The following DROSHA variants were observed in gnomAD, a reference collection of about 807,000 sequenced individuals.
DROSHA encodes ribonuclease 3.
A neutral mutation model predicts 181.9 loss-of-function variants in DROSHA; 56 were observed. That is an observed-to-expected ratio of 0.31 (90% confidence interval 0.25 to 0.38). The LOEUF (loss-of-function observed/expected upper bound fraction) is 0.38, where lower values mean the gene tolerates loss of function less well. DROSHA is among the 10% of genes least tolerant of loss of function. DROSHA has a pLI of 1.00. For missense variants in DROSHA, 1,218 were observed against 1,743.5 expected, an observed-to-expected ratio of 0.70 and a Z score of 5.37; for synonymous variants, 524 against 591.2, an observed-to-expected ratio of 0.89 and a Z score of 1.65.
At chr5:31,446,309 T>C (rs1302907845) in intron 23 of DROSHA, among the ~76,000 whole-genome samples, 10 of 151,398 alleles carry the variant, frequency 6.6e-5, no homozygotes, top group Non-Finnish European at 1.3e-4. Context: ...TAGCCGGGTG[T>C]GGTGGCGGGC....
intron 30 of DROSHA, among the ~76,000 whole-genome samples, chr5:31,413,053 G>T (rs2149989917): frequency 6.6e-6 from 1 of 152,262 alleles, no homozygotes; most frequent in East Asian, 1.9e-4. Context: ...ACGCACACAT[G>T]AGCACACACA....
chr5:31,485,217 G>C (rs1751582677), intron 14 of DROSHA, among the ~76,000 whole-genome samples: 1 of 152,044 alleles, frequency 6.6e-6, no homozygotes, highest in South Asian at 2.1e-4. Flanking sequence ...AAAAAGTAAA[G>C]TCTCACTTAT....
chr5:31,425,264 AC>A (rs1157794261), intron 27 of DROSHA, among the ~76,000 whole-genome samples: 1 of 152,344 alleles, frequency 6.6e-6, no homozygotes, highest in East Asian at 1.9e-4. Context: ...CTTGTAACAC[AC>A]AGGGTAATAA....
chr5:31,495,984 A>G (rs2150045062), intron 11 of DROSHA, among the ~76,000 whole-genome samples: 1 of 152,244 alleles, frequency 6.6e-6, no homozygotes, highest in East Asian at 1.9e-4. Context: ...CAAGGTGCCA[A>G]GTTGGGGCTG....
chr5:31,484,086 C>A (rs1751394166), intron 15 of DROSHA, among the ~76,000 whole-genome samples: 1 of 152,050 alleles, frequency 6.6e-6, no homozygotes, highest in Non-Finnish European at 1.5e-5. Context: ...CGGATACTTC[C>A]AACCGCTGGG....
chr5:31,521,020 T>C (rs1739829818), intron 6 of DROSHA, 103 bp downstream of exon 6: 9 of 1,141,108 alleles, frequency 7.9e-6, no homozygotes, highest in Non-Finnish European at 1.2e-5. Flanking sequence ...TTGGACAGAC[T>C]CTGAGGCCAT....
Position 31,401,089 on chromosome 5 carries a change from A to G in DROSHA, c.*343T>C, listed in dbSNP as rs1739950688. The G allele has an allele frequency of 7.5e-6, 2 of 266,632 alleles. No individual in the cohort carries two copies. Among genetic ancestry groups the G allele is most frequent in the Non-Finnish European group, 7.4e-6 (1 of 135,210 alleles). 16.5% of individuals were successfully genotyped at this position (266,632 alleles called of 1,614,324 possible). On this transcript the variant is annotated 3_prime_UTR_variant, in exon 36 of 36. Coordinates refer to ENST00000344624, the MANE Select transcript of DROSHA (RefSeq NM_001382508.1). ...AGTAAAGTCAATTTTTTACTTGTCA[A>G]TTGAAAGTCTAGGGTCACAATCTGG...
At chr5:31,518,945 AT>A (rs1031695174) in intron 6 of DROSHA, among the ~76,000 whole-genome samples, 2 of 152,106 alleles carry the variant, frequency 1.3e-5, no homozygotes, top group Admixed American at 6.6e-5. Flanking sequence ...ATCAGTTAAT[AT>A]TTTTTTTAAC....
At chr5:31,442,039 T>C (rs865964692) in intron 23 of DROSHA, among the ~76,000 whole-genome samples, 1 of 152,224 alleles carries the variant, frequency 6.6e-6, no homozygotes, top group Non-Finnish European at 1.5e-5. Flanking sequence ...ACTGAAGTCA[T>C]ATTGGCATAA....
In DROSHA at chr5:31,413,860, C is replaced by A. The variant is rs79500468; in HGVS notation, c.3526-2973G>T. On this transcript the variant is annotated intron_variant, in intron 30 of 35. Coordinates refer to ENST00000344624, the MANE Select transcript of DROSHA (RefSeq NM_001382508.1). ...AGAATCATAAGGTGCTTCTGAAAAG[C>A]TGGTGCCCAGGCTTCTTTCAAGAAC... Among the ~76,000 whole-genome samples the A allele has an allele frequency of 4.4e-3, 670 of 152,316 alleles. 21 individuals carry two copies. In the East Asian group the frequency reaches 0.11, roughly 24 times the overall value.
chr5:31,438,167 G>T, intron 23 of DROSHA, among the ~76,000 whole-genome samples: 1 of 152,182 alleles, frequency 6.6e-6, no homozygotes, highest in East Asian at 1.9e-4. Context: ...CTGTGTCTCA[G>T]TGAAGCCAAT....
At chr5:31,519,780 C>T (rs1319861401) in intron 6 of DROSHA, among the ~76,000 whole-genome samples, 3 of 152,060 alleles carry the variant, frequency 2.0e-5, no homozygotes, top group African/African-American at 7.2e-5. Flanking sequence ...GTTTAAATAC[C>T]TAAAAGGTAA....
chr5:31,508,092 A>G (rs1738200685), intron 10 of DROSHA, among the ~76,000 whole-genome samples: 1 of 152,224 alleles, frequency 6.6e-6, no homozygotes, highest in Non-Finnish European at 1.5e-5. Context: ...TCTGTGTGAC[A>G]CAAATCTTTT....
At chr5:31,505,108 A>C (rs1318798150) in intron 10 of DROSHA, among the ~76,000 whole-genome samples, 1 of 152,168 alleles carries the variant, frequency 6.6e-6, no homozygotes, top group Non-Finnish European at 1.5e-5. Context: ...TAAAGCCAGA[A>C]GAACTTCCCA....
At chr5:31,529,374 TAA>T (rs1328819463) in intron 3 of DROSHA, among the ~76,000 whole-genome samples, 1 of 152,144 alleles carries the variant, frequency 6.6e-6, no homozygotes, top group African/African-American at 2.4e-5. Flanking sequence ...TCTAATTTGT[TAA>T]AAGACTTGGG....
At chr5:31,462,503 A>G (rs1748514924) in intron 20 of DROSHA, among the ~76,000 whole-genome samples, 1 of 152,138 alleles carries the variant, frequency 6.6e-6, no homozygotes. Flanking sequence ...AGCATATCAC[A>G]CAGCAAGAGA....
chr5:31,419,802 C>T (rs911693081), intron 30 of DROSHA, among the ~76,000 whole-genome samples: 7 of 152,068 alleles, frequency 4.6e-5, no homozygotes, highest in Non-Finnish European at 1.0e-4. Flanking sequence ...TACTCTGACA[C>T]GTATGAAGTG....
intron 20 of DROSHA, among the ~76,000 whole-genome samples, chr5:31,454,645 A>G (rs1747418219): frequency 6.6e-6 from 1 of 152,200 alleles, no homozygotes; most frequent in Non-Finnish European, 1.5e-5. Context: ...TGCTGATAAT[A>G]AAAACATTCC....
intron 17 of DROSHA, among the ~76,000 whole-genome samples, chr5:31,468,886 C>T (rs1749420811): frequency 6.6e-6 from 1 of 152,168 alleles, no homozygotes; most frequent in Non-Finnish European, 1.5e-5. Flanking sequence ...CAATAATCTT[C>T]ATTCTGTCCC....
Sources: allele counts gnomAD v4.1 joint callset (sites outside exome capture counted in the v4.1 genomes callset), GRCh38; gene constraint gnomAD v4.1.1; transcripts MANE v1.5; gene names NCBI Gene and HGNC (gene_info 2026-07-23, HGNC 2026-07-21).